Variants in KCNT2 observed in about 807,000 individuals in gnomAD.
KCNT2 encodes the protein potassium channel subfamily T member 2.
KCNT2 carries 67 observed loss-of-function variants against 153.8 expected under a neutral mutation model. The ratio of observed to expected loss-of-function variants is 0.44; its 90% CI spans 0.36 to 0.53. The LOEUF is 0.53. KCNT2 is among the 20% of genes least tolerant of loss of function. KCNT2 has a pLI of 0.00. For synonymous variants in KCNT2, 500 were observed against 458.8 expected, an observed-to-expected ratio of 1.09 and a Z score of -1.15; for missense variants, 975 against 1,354.8, an observed-to-expected ratio of 0.72 and a Z score of 4.40.
intron 20 of KCNT2, among the ~76,000 whole-genome samples, chr1:196,317,656 C>A (rs986514290): frequency 6.6e-6 from 1 of 151,580 alleles, no homozygotes; most frequent in African/African-American, 2.4e-5. Flanking sequence ...ATAAGAGTGA[C>A]TGGATAAGTA....
intron 1 of KCNT2, among the ~76,000 whole-genome samples, chr1:196,589,131 C>T (rs1469015139): frequency 6.6e-6 from 1 of 151,744 alleles, no homozygotes; most frequent in African/African-American, 2.4e-5. Flanking sequence ...ATACATGTCA[C>T]AAAACAATGG....
intron 14 of KCNT2, among the ~76,000 whole-genome samples, chr1:196,345,087 G>A (rs999379728): frequency 6.6e-6 from 1 of 152,088 alleles, no homozygotes; most frequent in African/African-American, 2.4e-5. Context: ...CCTGTGAAAC[G>A]TCAGGAAAGG....
chr1:196,265,586 AGT>A (rs978028454), intron 25 of KCNT2, among the ~76,000 whole-genome samples: 1 of 152,144 alleles, frequency 6.6e-6, no homozygotes, highest in Non-Finnish European at 1.5e-5. Flanking sequence ...CCCATTCTAC[AGT>A]GTGTCCTAGG....
At chr1:196,452,828 G>A (rs1488737126) in intron 8 of KCNT2, among the ~76,000 whole-genome samples, 1 of 151,898 alleles carries the variant, frequency 6.6e-6, no homozygotes, top group Non-Finnish European at 1.5e-5. Flanking sequence ...GAGGGTCTGG[G>A]GAGGGTGGGT....
intron 1 of KCNT2, among the ~76,000 whole-genome samples, chr1:196,543,858 G>A (rs549181145): frequency 1.3e-5 from 2 of 152,198 alleles, no homozygotes; most frequent in East Asian, 3.9e-4. Context: ...TTAAAACATG[G>A]AACTGCCACA....
chr1:196,601,278 C>T (rs1404562992), intron 1 of KCNT2, among the ~76,000 whole-genome samples: 2 of 152,206 alleles, frequency 1.3e-5, no homozygotes, highest in African/African-American at 4.8e-5. Context: ...ATCTGCCAGA[C>T]TAGGCTCATC....
chr1:196,405,971 C>T (rs1572338653), intron 12 of KCNT2, among the ~76,000 whole-genome samples: 1 of 151,440 alleles, frequency 6.6e-6, no homozygotes, highest in African/African-American at 2.4e-5. Context: ...GTCTTGAAAA[C>T]ATTCGAATGT....
chr1:196,479,755 C>G (rs1036856237), intron 4 of KCNT2, among the ~76,000 whole-genome samples: 1 of 152,278 alleles, frequency 6.6e-6, no homozygotes, highest in East Asian at 1.9e-4. Context: ...TGACTGTCCA[C>G]CACAGATAAC....
intron 22 of KCNT2, among the ~76,000 whole-genome samples, chr1:196,299,674 A>C (rs565187115): frequency 3.9e-5 from 6 of 152,288 alleles, no homozygotes; most frequent in African/African-American, 1.4e-4. Flanking sequence ...GTAGTACAGC[A>C]ATTATGGACA....
At chr1:196,435,758 A>T (rs1486815110) in intron 8 of KCNT2, among the ~76,000 whole-genome samples, 1 of 151,730 alleles carries the variant, frequency 6.6e-6, no homozygotes, top group Non-Finnish European at 1.5e-5. Flanking sequence ...GAAACAAATT[A>T]CTCAATATTA....
At chr1:196,601,321 TCTC>T (rs1664695388) in intron 1 of KCNT2, among the ~76,000 whole-genome samples, 1 of 152,252 alleles carries the variant, frequency 6.6e-6, no homozygotes, top group African/African-American at 2.4e-5. Flanking sequence ...ATTGTGCCAT[TCTC>T]CTTTATAGCC....
intron 1 of KCNT2, among the ~76,000 whole-genome samples, chr1:196,536,109 T>G (rs1386605804): frequency 2.0e-5 from 3 of 152,342 alleles, no homozygotes; most frequent in African/African-American, 7.2e-5. Flanking sequence ...AGGCAACCAC[T>G]CCACATGACA....
chr1:196,607,048 T>C (rs1020065107), intron 1 of KCNT2, among the ~76,000 whole-genome samples: 5 of 152,102 alleles, frequency 3.3e-5, no homozygotes, highest in African/African-American at 1.2e-4. Flanking sequence ...AAATTACTAA[T>C]ATGAGACCAA....
intron 22 of KCNT2, among the ~76,000 whole-genome samples, chr1:196,304,506 G>A (rs763673354): frequency 1.8e-4 from 28 of 152,090 alleles, no homozygotes; most frequent in African/African-American, 5.3e-4. Flanking sequence ...GGCACGAGCC[G>A]CCACACCCAG....
At chr1:196,236,896 G>A (rs934373965) in intron 26 of KCNT2, among the ~76,000 whole-genome samples, 9 of 151,504 alleles carry the variant, frequency 5.9e-5, no homozygotes, top group Non-Finnish European at 8.9e-5. Flanking sequence ...TTATGTGGAT[G>A]TATATACTTC....
At chr1:196,273,208 A>T (rs1571868275) in intron 25 of KCNT2, among the ~76,000 whole-genome samples, 1 of 151,860 alleles carries the variant, frequency 6.6e-6, no homozygotes, top group Non-Finnish European at 1.5e-5. Flanking sequence ...TTTCATTATT[A>T]ACTTTAATTA....
intron 1 of KCNT2, among the ~76,000 whole-genome samples, chr1:196,500,356 T>C (rs1042296701): frequency 6.6e-6 from 1 of 150,906 alleles, no homozygotes; most frequent in Non-Finnish European, 1.5e-5. Flanking sequence ...TTCAAATAAT[T>C]TTAGTGACTG....
chr1:196,326,870 T>C lies in KCNT2; in HGVS notation c.2123A>G (p.Tyr708Cys). The stretch of plus-strand genomic sequence containing the variant: ...GAATCCATAGGCTTTTGCATCCTCA[T>C]AGTAGTTATGTTGGCAACTCTAGAG... ...RLDKSCQHNYYEDAKAYGFKN... is the reference protein window; with the variant it reads ...RLDKSCQHNYCEDAKAYGFKN... The change falls in exon 19 of 28, where the codon TAT becomes TGT. Residue 708 changes from tyrosine to cysteine, a missense_variant. This residue lies in a region of KCNT2 where 325 missense variants were observed against 388.1 expected (regional missense o/e 0.84). Transcript: ENST00000294725. 1.9e-6 allele frequency: 3 copies of C among 1,575,218 alleles called. No individual in the cohort carries two copies. The highest frequency in any genetic ancestry group is 2.6e-6 in the Non-Finnish European group (3 of 1,167,012).
At chr1:196,466,995 C>A (rs1054009769) in intron 7 of KCNT2, among the ~76,000 whole-genome samples, 5 of 151,968 alleles carry the variant, frequency 3.3e-5, no homozygotes, top group African/African-American at 1.2e-4. Context: ...CCACTCACAA[C>A]CCCGCTCAAG....
Sources: allele counts gnomAD v4.1 joint callset (sites outside exome capture counted in the v4.1 genomes callset), GRCh38; gene constraint gnomAD v4.1.1; regional missense constraint gnomAD v4.1.1; transcripts MANE v1.5; gene names NCBI Gene and HGNC (gene_info 2026-07-23, HGNC 2026-07-21).